WDR5B: variants seen among roughly 807,000 people sequenced by gnomAD.
WDR5B encodes WD repeat-containing protein 5B.
A neutral mutation model predicts 24.0 loss-of-function variants in WDR5B; 17 were observed. That is an observed-to-expected ratio of 0.71 (90% CI 0.49 to 1.06). The LOEUF is 1.06. Among genes scored for constraint, WDR5B ranks in the 50% least tolerant of loss-of-function variants. The pLI is 0.00. For synonymous variants in WDR5B, 150 were observed against 146.4 expected (o/e 1.02, Z -0.18); for missense variants, 368 against 384.1 (o/e 0.96, Z 0.35).
chr3:122,414,481 T>C lies in WDR5B; in HGVS notation c.*55A>G, dbSNP rs1238778598. On this transcript the variant is annotated 3_prime_UTR_variant, in exon 1 of 1. Coordinates refer to ENST00000330689, the MANE Select transcript of WDR5B (RefSeq NM_019069.4). ...GCCAAAATTAAAAGAAACCGTCTTT[T>C]TAAATATCCAAGTTTTTTGGCCAAC... 2.6e-6 allele frequency: 4 copies of C among 1,533,464 alleles called. No individual in the cohort carries two copies. The highest frequency in any genetic ancestry group is 2.6e-6 in the Non-Finnish European group (3 of 1,145,878). 95.0% of individuals were successfully genotyped at this position (1,533,464 alleles called of 1,614,324 possible). A position where few individuals can be genotyped will look rare whatever the true frequency, so the allele number is the denominator to read the frequency against.
chr3:122,414,649 G>A lies in WDR5B; in HGVS notation c.880C>T (p.Gln294Ter). The A allele has an allele frequency of 1.9e-6, 3 of 1,614,178 alleles. No individual in the cohort carries two copies. The highest frequency in any genetic ancestry group is 1.7e-6 in the Non-Finnish European group (2 of 1,180,036). ...GAGATCACAACATCTGTATGGCCTT[G>A]TAATTTCTGCACAATCTCTTTAGTC... ...LQTKEIVQKL[Q>*]GHTDVVISAA... Residue 294 changes from glutamine to a stop codon, truncating the protein, a stop_gained, in exon 1 of 1, where the codon CAA becomes TAA. Transcript: ENST00000330689. LOFTEE classifies it high-confidence loss of function.
Position 122,415,127 on chromosome 3 carries a change from A to G in WDR5B, c.402T>C (p.Asn134=). ...CCGAGATTATAAGGTTGGATGGCGG[A>G]TTGAAGTTACAACAAAAGACATAAT... ...HSNYVFCCNF[N]PPSNLIISGS... is the part of the protein sequence containing the mutation. Residue 134 remains asparagine, a synonymous_variant, in exon 1 of 1, where the codon AAT becomes AAC. Transcript: ENST00000330689. The G allele has an allele frequency of 1.2e-6, 2 of 1,614,230 alleles. No homozygotes were observed. The highest frequency in any genetic ancestry group is 1.3e-5 in the African/African-American group (1 of 75,070).
rs996601785 is a variant in WDR5B, at chr3:122,414,516, C to T, written c.*20G>A. The T allele has an allele frequency of 6.3e-7, 1 of 1,581,956 alleles. No homozygotes were observed. Among genetic ancestry groups the T allele is most frequent in the African/African-American group, 1.4e-5 (1 of 73,782 alleles). ...AAGTTTTTTGGCCAACTTGGCTCTACTACTTGATTTTCAAAGGGATTAGTG... is the reference window on the plus strand; with the variant it reads ...AAGTTTTTTGGCCAACTTGGCTCTATTACTTGATTTTCAAAGGGATTAGTG... On this transcript the variant is annotated 3_prime_UTR_variant, in exon 1 of 1. Coordinates refer to ENST00000330689, the MANE Select transcript of WDR5B (RefSeq NM_019069.4).
At position 122,414,896 on chromosome 3, in the gene WDR5B, A is replaced by C. The variant is rs559697273; in HGVS notation, c.633T>G (p.Pro211=). 7.4e-6 allele frequency: 12 copies of C among 1,614,214 alleles called. No individual in the cohort carries two copies. The South Asian group carries it at 1.3e-4, about 18-fold the overall frequency. Residue 211 remains proline, a synonymous_variant, in exon 1 of 1, where the codon CCT becomes CCG. Coordinates refer to ENST00000330689, the MANE Select transcript of WDR5B (RefSeq NM_019069.4). The stretch of plus-strand genomic sequence containing the variant: ...GAGAAAATTTTACAAAAGAGACAGG[A>C]GGGTTATCGTCATCAACGAGCGTTT... ...CLKTLVDDDN[P]PVSFVKFSPN...
chr3:122,415,671 G>T lies in WDR5B; in HGVS notation c.-143C>A. 9.0e-7 allele frequency: 1 copy of T among 1,108,616 alleles called. No individual in the cohort carries two copies. Among genetic ancestry groups the T allele is most frequent in the Non-Finnish European group, 1.3e-6 (1 of 787,340 alleles). The allele number at this position is 1,108,616 out of a possible 1,614,324, so 68.7% of individuals were successfully genotyped here. A position where few individuals can be genotyped will look rare whatever the true frequency, so the allele number is the denominator to read the frequency against. On this transcript the variant is annotated 5_prime_UTR_variant, in exon 1 of 1. Coordinates refer to ENST00000330689, the MANE Select transcript of WDR5B (RefSeq NM_019069.4). ...CAGTTTTGAAAGCTTAAAGTTTCTG[G>T]ACAGTCTTTAAACTGTGAGACGGAA...
rs1417904256 is a variant in WDR5B at position 122,415,009 on chromosome 3, G to A, written c.520C>T (p.His174Tyr). 1 of 1,614,016 alleles carries A rather than the reference G, an allele frequency of 6.2e-7. No individual in the cohort carries two copies. The highest frequency in any genetic ancestry group is 1.3e-5 in the African/African-American group (1 of 74,922). Reference sequence around the variant, plus strand: ...ATCAAGGACCCACTACAATTAAAATGAACAGCAGAAACTGGGTCAGAATGA... The same window carrying A: ...ATCAAGGACCCACTACAATTAAAATAAACAGCAGAAACTGGGTCAGAATGA... ...SAHSDPVSAV[H>Y]FNCSGSLIVS... The change falls in exon 1 of 1, where the codon CAT (histidine) becomes TAT (tyrosine). Residue 174 changes from histidine (H) to tyrosine (Y), a missense_variant. Coordinates refer to ENST00000330689, the MANE Select transcript of WDR5B (RefSeq NM_019069.4).
At position 122,415,665 on chromosome 3, in the gene WDR5B, T is replaced by C; in HGVS notation, c.-137A>G. The C allele has an allele frequency of 3.4e-6, 4 of 1,160,558 alleles. No homozygotes were observed. The highest frequency in any genetic ancestry group is 6.0e-4 in the Middle Eastern group (2 of 3,340). The allele number at this position is 1,160,558 out of a possible 1,614,324, so 71.9% of individuals were successfully genotyped here. A position where few individuals can be genotyped will look rare whatever the true frequency, so the allele number is the denominator to read the frequency against. On this transcript the variant is annotated 5_prime_UTR_variant, in exon 1 of 1. Coordinates refer to ENST00000330689, the MANE Select transcript of WDR5B (RefSeq NM_019069.4). ...AATGTACAGTTTTGAAAGCTTAAAG[T>C]TTCTGGACAGTCTTTAAACTGTGAG...
chr3:122,415,160 C>A lies in WDR5B; in HGVS notation c.369G>T (p.Gly123=). The A allele has an allele frequency of 6.2e-7, 1 of 1,614,174 alleles. No individual in the cohort carries two copies. Among genetic ancestry groups the A allele is most frequent in the Non-Finnish European group, 8.5e-7 (1 of 1,180,038 alleles). ...RSGKCLKTLK[G]HSNYVFCCNF... The stretch of plus-strand genomic sequence containing the variant: ...TACAACAAAAGACATAATTACTGTG[C>A]CCCTTCAGTGTTTTCAAACATTTTC... Residue 123 remains glycine, a synonymous_variant, in exon 1 of 1, where the codon GGG becomes GGT. Transcript: ENST00000330689.
Position 122,412,387 on chromosome 3 carries a change from A to T in WDR5B, c.*2149T>A, listed in dbSNP as rs1411324130. On this transcript the variant is annotated 3_prime_UTR_variant, in exon 1 of 1. Coordinates refer to ENST00000330689, the MANE Select transcript of WDR5B (RefSeq NM_019069.4). ...GATAGTTTTGGGAATTTATTACTAAAATTTATCAAAGCAGGCAAGGAATGA... is the reference window on the plus strand; with the variant it reads ...GATAGTTTTGGGAATTTATTACTAATATTTATCAAAGCAGGCAAGGAATGA... 2.6e-5 allele frequency: 4 copies of T among 152,224 alleles called. No individual in the cohort carries two copies. The highest frequency in any genetic ancestry group is 2.0e-4 in the Admixed American group (3 of 15,282). The allele number at this position is 152,224 out of a possible 1,614,324, so 9.4% of individuals were successfully genotyped here.
Position 122,415,499 on chromosome 3 carries a change from T to C in WDR5B, c.30A>G (p.Lys10=). 2.5e-6 allele frequency: 4 copies of C among 1,613,424 alleles called. No individual in the cohort carries two copies. In the South Asian group the frequency reaches 4.4e-5, roughly 18 times the overall value. MATKESRDA[K]AQLALSSSAN... The stretch of plus-strand genomic sequence containing the variant: ...CCGATGAGGAGAGGGCCAACTGTGC[T>C]TTGGCGTCTCTTGACTCCTTGGTTG... Residue 10 remains lysine, a synonymous_variant, in exon 1 of 1, where the codon AAA becomes AAG. Transcript: ENST00000330689.
Position 122,413,840 on chromosome 3 carries a change from A to C in WDR5B, c.*696T>G, listed in dbSNP as rs2075717155. Reference sequence around the variant, plus strand: ...TTATCGCAGCACTATTCGTAATAGCAAAGTTATGGAACCAACCTAAGGGTC... The same window carrying C: ...TTATCGCAGCACTATTCGTAATAGCCAAGTTATGGAACCAACCTAAGGGTC... On this transcript the variant is annotated 3_prime_UTR_variant, in exon 1 of 1. Coordinates refer to ENST00000330689, the MANE Select transcript of WDR5B (RefSeq NM_019069.4). 1 of 152,154 alleles carries C rather than the reference A, an allele frequency of 6.6e-6. No homozygotes were observed. The highest frequency in any genetic ancestry group is 6.5e-5 in the Admixed American group (1 of 15,278). 9.4% of individuals were successfully genotyped at this position (152,154 alleles called of 1,614,324 possible).
Position 122,415,054 on chromosome 3 carries a change from A to T in WDR5B, c.475T>A (p.Cys159Ser). The change falls in exon 1 of 1, where the codon TGT becomes AGT. Residue 159 changes from cysteine (C) to serine (S), a missense_variant. Cys to Ser is a moderately radical substitution (Grantham distance 112). Transcript: ENST00000330689. ...VKIWEVKTGK[C>S]LKTLSAHSDP... ...GAATGAGCAGACAAAGTCTTGAGAC[A>T]CTTTCCTGTTTTCACCTCCCATATT... The T allele has an allele frequency of 6.2e-7, 1 of 1,614,208 alleles. No individual in the cohort carries two copies. The highest frequency in any genetic ancestry group is 8.5e-7 in the Non-Finnish European group (1 of 1,180,040).
Position 122,415,489 on chromosome 3 carries a change from C to T in WDR5B, c.40G>A (p.Ala14Thr), listed in dbSNP as rs747355820. The T allele has an allele frequency of 6.8e-6, 11 of 1,613,790 alleles. No individual in the cohort carries two copies. The East Asian group carries it at 2.0e-4, about 29-fold the overall frequency. The change falls in exon 1 of 1, where the codon GCC (alanine) becomes ACC (threonine). Residue 14 changes from alanine to threonine, a missense_variant. By Grantham distance (58) the Ala-to-Thr change is moderately conservative. Coordinates refer to ENST00000330689, the MANE Select transcript of WDR5B (RefSeq NM_019069.4). ...KESRDAKAQLALSSSANQSKE... is the reference protein window; with the variant it reads ...KESRDAKAQLTLSSSANQSKE... ...CTCTGATTGGCCGATGAGGAGAGGG[C>T]CAACTGTGCTTTGGCGTCTCTTGAC...
rs2075714121 is a variant in WDR5B at position 122,413,324 on chromosome 3, A to T, written c.*1212T>A. Reference sequence around the variant, plus strand: ...ATGGCTATTATTAAAAAGTCAAAAAATGGCTGGGTACAGTGGCTCATGCCT... The same window carrying T: ...ATGGCTATTATTAAAAAGTCAAAAATTGGCTGGGTACAGTGGCTCATGCCT... On this transcript the variant is annotated 3_prime_UTR_variant, in exon 1 of 1. Coordinates refer to ENST00000330689, the MANE Select transcript of WDR5B (RefSeq NM_019069.4). The T allele has an allele frequency of 6.6e-6, 1 of 152,210 alleles. No homozygotes were observed. The highest frequency in any genetic ancestry group is 2.1e-4 in the South Asian group (1 of 4,832). The allele number at this position is 152,210 out of a possible 1,614,324, so 9.4% of individuals were successfully genotyped here.
rs777375228 is a variant in WDR5B at position 122,415,325 on chromosome 3, C to T, written c.204G>A (p.Trp68Ter). ...SSSADRLIII[W>*]GAYDGKYEKT... ...TCTCATATTTTCCATCATATGCTCC[C>T]CAAATTATGATTAGCCTATCAGCAG... Residue 68 changes from tryptophan to a stop codon, truncating the protein, a stop_gained, in exon 1 of 1, where the codon TGG becomes TGA. Coordinates refer to ENST00000330689, the MANE Select transcript of WDR5B (RefSeq NM_019069.4). LOFTEE classifies it high-confidence loss of function. 1.2e-6 allele frequency: 2 copies of T among 1,614,198 alleles called. No homozygotes were observed. Among genetic ancestry groups the T allele is most frequent in the East Asian group, 4.5e-5 (2 of 44,886 alleles).
Position 122,414,528 on chromosome 3 carries a change from C to G in WDR5B, c.*8G>C. ...CAACTTGGCTCTACTACTTGATTTT[C>G]AAAGGGATTAGTGGTTACTCATCCA... On this transcript the variant is annotated 3_prime_UTR_variant, in exon 1 of 1. Transcript: ENST00000330689. 1 of 1,586,496 alleles carries G rather than the reference C, an allele frequency of 6.3e-7. No individual in the cohort carries two copies. Among genetic ancestry groups the G allele is most frequent in the Non-Finnish European group, 8.6e-7 (1 of 1,163,552 alleles).
Position 122,415,454 on chromosome 3 carries a change from C to G in WDR5B, c.75G>C (p.Val25=). The G allele has an allele frequency of 6.2e-7, 1 of 1,614,210 alleles. No homozygotes were observed. Among genetic ancestry groups the G allele is most frequent in the Non-Finnish European group, 8.5e-7 (1 of 1,180,032 alleles). The change falls in exon 1 of 1, where the codon GTG becomes GTC. Residue 25 remains valine (V), a synonymous_variant. Transcript: ENST00000330689. ...TGAGAGCATAGTTTGGGTTTTCAGG[C>G]ACTTCCTTGCTCTGATTGGCCGATG... is the stretch of plus-strand genomic sequence containing the variant. ...LSSSANQSKE[V]PENPNYALKC...
rs1174558741 is a variant in WDR5B at position 122,415,037 on chromosome 3, A to T, written c.492T>A (p.Ser164=). The T allele has an allele frequency of 2.5e-6, 4 of 1,613,966 alleles. No individual in the cohort carries two copies. Among genetic ancestry groups the T allele is most frequent in the Non-Finnish European group, 3.4e-6 (4 of 1,179,998 alleles). Residue 164 remains serine, a synonymous_variant, in exon 1 of 1, where the codon TCT becomes TCA. Coordinates refer to ENST00000330689, the MANE Select transcript of WDR5B (RefSeq NM_019069.4). ...CAGCAGAAACTGGGTCAGAATGAGC[A>T]GACAAAGTCTTGAGACACTTTCCTG... The part of the protein sequence containing the change: ...VKTGKCLKTL[S]AHSDPVSAVH...
At position 122,415,101 on chromosome 3, in the gene WDR5B, C is replaced by G. The variant is rs1209332405; in HGVS notation, c.428G>C (p.Gly143Ala). ...TATTTTTACAGTCTCATCAAAAGAT[C>G]CCGAGATTATAAGGTTGGATGGCGG... ...FNPPSNLIISGSFDETVKIWE... is the reference protein window; with the variant it reads ...FNPPSNLIISASFDETVKIWE... The change falls in exon 1 of 1, where the codon GGA becomes GCA. Residue 143 changes from glycine (G) to alanine (A), a missense_variant. Coordinates refer to ENST00000330689, the MANE Select transcript of WDR5B (RefSeq NM_019069.4). 11 of 1,614,170 alleles carry G rather than the reference C, an allele frequency of 6.8e-6. No homozygotes were observed. Among genetic ancestry groups the G allele is most frequent in the Non-Finnish European group, 8.5e-6 (10 of 1,180,040 alleles).
Sources: allele counts gnomAD v4.1 joint callset, GRCh38; gene constraint gnomAD v4.1.1; transcripts MANE v1.5; gene names NCBI Gene and HGNC (gene_info 2026-07-23, HGNC 2026-07-21).